The following DSCAM variants were observed in gnomAD, a reference collection of about 807,000 sequenced individuals.
DSCAM encodes cell adhesion molecule DSCAM.
In DSCAM, 47 loss-of-function variants were observed where a neutral mutation model predicts 217.7. The observed-to-expected ratio is 0.22, with a 90% confidence interval of 0.17 to 0.28. The LOEUF (loss-of-function observed/expected upper bound fraction) is 0.28, where lower values mean the gene tolerates loss of function less well. Among genes scored for constraint, DSCAM ranks in the 10% least tolerant of loss-of-function variants. The pLI, the probability that DSCAM is intolerant of heterozygous loss-of-function variation, is 1.00. For missense variants in DSCAM, 2,080 were observed against 2,618.3 expected (o/e 0.79, Z 4.49); for synonymous variants, 1,056 against 1,015.3 (o/e 1.04, Z -0.76).
chr21:40,036,266 T>C (rs2088621067), intron 32 of DSCAM, among the ~76,000 whole-genome samples: 2 of 149,476 alleles, frequency 1.3e-5, no homozygotes, highest in African/African-American at 5.1e-5. Flanking sequence ...GATAGACTGC[T>C]AGCAAGACTA....
intron 3 of DSCAM, among the ~76,000 whole-genome samples, chr21:40,530,174 C>T (rs1268757108): frequency 6.6e-6 from 1 of 152,148 alleles, no homozygotes; most frequent in African/African-American, 2.4e-5. Flanking sequence ...GTACGACAGA[C>T]ACAAACTCAG....
At chr21:40,662,825 C>T (rs1467968440) in intron 3 of DSCAM, among the ~76,000 whole-genome samples, 2 of 152,166 alleles carry the variant, frequency 1.3e-5, no homozygotes, top group Non-Finnish European at 2.9e-5. Context: ...TCTCAGACTT[C>T]CAGCCTCCAG....
At chr21:40,283,026 T>G (rs1331993535) in intron 10 of DSCAM, among the ~76,000 whole-genome samples, 1 of 152,250 alleles carries the variant, frequency 6.6e-6, no homozygotes, top group Non-Finnish European at 1.5e-5. Context: ...AAGATCTAAT[T>G]GTGGTTACTA....
intron 6 of DSCAM, among the ~76,000 whole-genome samples, chr21:40,342,648 A>ATATATT (rs61637421): frequency 0.075 from 5,999 of 79,954 alleles, 328 homozygotes; most frequent in Non-Finnish European, 0.11. Context: ...ATATATATAT[A>ATATATT]TTTTTTTTTT....
intron 1 of DSCAM, among the ~76,000 whole-genome samples, chr21:40,753,832 G>C (rs2091250868): frequency 6.6e-6 from 1 of 152,188 alleles, no homozygotes; most frequent in Non-Finnish European, 1.5e-5. Flanking sequence ...AACGAATGAA[G>C]ACAAAAATCT....
At chr21:40,212,798 T>C (rs1344195081) in intron 11 of DSCAM, among the ~76,000 whole-genome samples, 1 of 152,180 alleles carries the variant, frequency 6.6e-6, no homozygotes, top group Non-Finnish European at 1.5e-5. Flanking sequence ...TAAGAACCTC[T>C]AGATAAGGTC....
At chr21:40,571,181 T>A (rs997902102) in intron 3 of DSCAM, among the ~76,000 whole-genome samples, 4 of 151,168 alleles carry the variant, frequency 2.6e-5, no homozygotes, top group African/African-American at 9.7e-5. Flanking sequence ...GATGGATGAG[T>A]TCCTCACAAT....
rs1304452111 is a variant in DSCAM at position 40,234,769 on chromosome 21, T to G, written c.2356+41328A>C. The stretch of plus-strand genomic sequence containing the variant: ...TATGTTTCTTTTTTTCTTTTTTTGC[T>G]GATAGAACTTCATGTACCCTGAATG... On this transcript the variant is annotated intron_variant, in intron 11 of 32. Transcript: ENST00000400454. Among the ~76,000 whole-genome samples the G allele has an allele frequency of 5.9e-5, 9 of 152,268 alleles. No individual in the cohort carries two copies. In the East Asian group the frequency reaches 1.7e-3, roughly 29 times the overall value.
chr21:40,196,215 A>G (rs1027425012), intron 11 of DSCAM, among the ~76,000 whole-genome samples: 12 of 152,080 alleles, frequency 7.9e-5, no homozygotes, highest in African/African-American at 2.7e-4. Flanking sequence ...CATATGTCTT[A>G]CCAAAAGGAA....
intron 3 of DSCAM, among the ~76,000 whole-genome samples, chr21:40,578,735 A>G (rs907678079): frequency 3.3e-5 from 5 of 152,224 alleles, no homozygotes; most frequent in Non-Finnish European, 7.3e-5. Context: ...TCCTGAAGTC[A>G]GCGAGAACAA....
At chr21:40,515,749 G>A (rs1037244306) in intron 3 of DSCAM, among the ~76,000 whole-genome samples, 15 of 151,984 alleles carry the variant, frequency 9.9e-5, no homozygotes, top group African/African-American at 3.6e-4. Context: ...CACACTCAGC[G>A]CACTCGTAGG....
At chr21:40,185,098 G>A (rs963477119) in intron 14 of DSCAM, among the ~76,000 whole-genome samples, 13 of 152,294 alleles carry the variant, frequency 8.5e-5, no homozygotes, top group Non-Finnish European at 1.3e-4. Context: ...AGCCTCTAGC[G>A]TGGTGGAGGT....
chr21:40,127,948 C>T (rs1385011868), intron 19 of DSCAM, among the ~76,000 whole-genome samples: 3 of 152,036 alleles, frequency 2.0e-5, no homozygotes, highest in Admixed American at 1.3e-4. Context: ...TGGGATGCCT[C>T]TGTCTGGAGT....
intron 3 of DSCAM, among the ~76,000 whole-genome samples, chr21:40,468,476 T>G (rs796132659): frequency 8.5e-5 from 13 of 152,268 alleles, no homozygotes; most frequent in African/African-American, 3.1e-4. Context: ...GTCCATGAAC[T>G]CAAGCTCAAC....
intron 3 of DSCAM, among the ~76,000 whole-genome samples, chr21:40,494,297 C>G (rs1167855384): frequency 6.6e-6 from 1 of 152,178 alleles, no homozygotes; most frequent in Non-Finnish European, 1.5e-5. Flanking sequence ...CAACTATGTG[C>G]TGCTTGTAAG....
intron 1 of DSCAM, among the ~76,000 whole-genome samples, chr21:40,763,967 T>G (rs539522951): frequency 6.8e-4 from 103 of 152,306 alleles, no homozygotes; most frequent in African/African-American, 2.3e-3. Context: ...AAGACTTACA[T>G]GTAAAACCTA....
chr21:40,628,056 A>G (rs1601802748), intron 3 of DSCAM, among the ~76,000 whole-genome samples: 1 of 152,236 alleles, frequency 6.6e-6, no homozygotes, highest in Non-Finnish European at 1.5e-5. Flanking sequence ...AGTGTGGCTC[A>G]GTAAATCACA....
At chr21:40,522,259 T>C (rs367661021) in intron 3 of DSCAM, among the ~76,000 whole-genome samples, 1 of 152,150 alleles carries the variant, frequency 6.6e-6, no homozygotes, top group African/African-American at 2.4e-5. Flanking sequence ...TTGTTCTCCT[T>C]AGGAGAAGAG....
intron 11 of DSCAM, among the ~76,000 whole-genome samples, chr21:40,251,026 T>C (rs550622000): frequency 6.6e-6 from 1 of 152,356 alleles, no homozygotes; most frequent in South Asian, 2.1e-4. Flanking sequence ...TTTTGCAGAC[T>C]TCTGGGCTCC....
Sources: allele counts gnomAD v4.1 joint callset (sites outside exome capture counted in the v4.1 genomes callset), GRCh38; gene constraint gnomAD v4.1.1; transcripts MANE v1.5; gene names NCBI Gene and HGNC (gene_info 2026-07-23, HGNC 2026-07-21).